SGCZ: variants seen among roughly 807,000 people sequenced by gnomAD.
The protein encoded by SGCZ is zeta-sarcoglycan.
SGCZ carries 40 observed loss-of-function variants against 41.3 expected under a neutral mutation model. The ratio of observed to expected loss-of-function variants is 0.97; its 90% confidence interval spans 0.75 to 1.26. The LOEUF is 1.26. Among genes scored for constraint, SGCZ ranks in the 50% most tolerant of loss-of-function variants. SGCZ has a pLI of 0.00. For missense variants in SGCZ, 552 were observed against 369.8 expected (o/e 1.49, Z -4.04); for synonymous variants, 206 against 137.5 (o/e 1.50, Z -3.49).
chr8:14,730,081 G>C (rs73529270), intron 1 of SGCZ, among the ~76,000 whole-genome samples: 3 of 152,018 alleles, frequency 2.0e-5, no homozygotes, highest in Non-Finnish European at 4.4e-5. Context: ...CTGAGACAGC[G>C]TCTCAAAAAA....
At chr8:14,189,721 C>G (rs1181665545) in intron 4 of SGCZ, among the ~76,000 whole-genome samples, 1 of 152,152 alleles carries the variant, frequency 6.6e-6, no homozygotes, top group African/African-American at 2.4e-5. Flanking sequence ...GAAACAATCC[C>G]ATTCCTCCCA....
At chr8:14,903,178 C>T (rs1563351342) in intron 1 of SGCZ, among the ~76,000 whole-genome samples, 3 of 152,024 alleles carry the variant, frequency 2.0e-5, no homozygotes, top group Non-Finnish European at 4.4e-5. Context: ...AATGAGTGGT[C>T]AGAATACACA....
At chr8:15,117,428 T>C (rs147832181) in intron 1 of SGCZ, among the ~76,000 whole-genome samples, 269 of 152,198 alleles carry the variant, frequency 1.8e-3, no homozygotes, top group Non-Finnish European at 2.8e-3. Context: ...TTAAAGCAAA[T>C]ATTATCTCCA....
chr8:14,393,130 A>G (rs1316966993), intron 2 of SGCZ, among the ~76,000 whole-genome samples: 2 of 152,170 alleles, frequency 1.3e-5, no homozygotes, highest in African/African-American at 4.8e-5. Flanking sequence ...CTGAAGTCCA[A>G]TATGCTTGTC....
chr8:14,109,631 C>T (rs1009490689), intron 5 of SGCZ, among the ~76,000 whole-genome samples: 1 of 152,030 alleles, frequency 6.6e-6, no homozygotes, highest in African/African-American at 2.4e-5. Context: ...TATATTAATT[C>T]AAGAGGCAAT....
intron 1 of SGCZ, among the ~76,000 whole-genome samples, chr8:15,058,592 G>T (rs550756821): frequency 6.6e-6 from 1 of 152,156 alleles, no homozygotes; most frequent in African/African-American, 2.4e-5. Context: ...GTGCTTAATA[G>T]ACAAATTTAT....
chr8:14,193,104 T>C (rs117766309), intron 4 of SGCZ, among the ~76,000 whole-genome samples: 7,952 of 151,974 alleles, frequency 0.052, 288 homozygotes, highest in East Asian at 0.12. Flanking sequence ...TTTTTCTATA[T>C]TATTATTCTT....
At chr8:14,730,950 G>C (rs2130237423) in intron 1 of SGCZ, among the ~76,000 whole-genome samples, 1 of 151,924 alleles carries the variant, frequency 6.6e-6, no homozygotes, top group Non-Finnish European at 1.5e-5. Flanking sequence ...GTGTAAATTA[G>C]TTCAACCATT....
chr8:14,157,245 T>TTA (rs1175086837), intron 5 of SGCZ, among the ~76,000 whole-genome samples: 3 of 149,954 alleles, frequency 2.0e-5, no homozygotes, highest in African/African-American at 7.3e-5. Flanking sequence ...TGGCTGAACA[T>TTA]TATATAGCAC....
At chr8:14,403,963 A>G (rs1312144972) in intron 2 of SGCZ, among the ~76,000 whole-genome samples, 1 of 152,184 alleles carries the variant, frequency 6.6e-6, no homozygotes, top group African/African-American at 2.4e-5. Context: ...AGAAATGAGT[A>G]TTTCAGCTCC....
At chr8:14,264,669 C>T (rs1799812409) in intron 3 of SGCZ, among the ~76,000 whole-genome samples, 1 of 152,114 alleles carries the variant, frequency 6.6e-6, no homozygotes, top group Non-Finnish European at 1.5e-5. Context: ...AGCACTAAAA[C>T]CCCAGATGGT....
chr8:14,561,498 G>C (rs1234189297), intron 1 of SGCZ, among the ~76,000 whole-genome samples: 1 of 152,046 alleles, frequency 6.6e-6, no homozygotes, highest in Non-Finnish European at 1.5e-5. Context: ...CTCAAAATCT[G>C]TTTGTTACAA....
chr8:14,606,475 A>C (rs767651249), intron 1 of SGCZ, among the ~76,000 whole-genome samples: 2 of 152,164 alleles, frequency 1.3e-5, no homozygotes, highest in Admixed American at 6.5e-5. Flanking sequence ...AGAACTTCTC[A>C]GCATTCTGGC....
intron 1 of SGCZ, among the ~76,000 whole-genome samples, chr8:15,038,087 A>G (rs557124115): frequency 1.5e-5 from 1 of 67,176 alleles, no homozygotes; most frequent in Admixed American, 2.3e-4. Flanking sequence ...ACGTTTTTAA[A>G]CAGAAATATA....
intron 1 of SGCZ, among the ~76,000 whole-genome samples, chr8:15,088,939 A>G (rs1428330589): frequency 2.6e-5 from 4 of 152,200 alleles, no homozygotes; most frequent in Non-Finnish European, 5.9e-5. Flanking sequence ...TTTCCTTAGA[A>G]TTTAATGACG....
intron 2 of SGCZ, among the ~76,000 whole-genome samples, chr8:14,480,422 T>G (rs1356538792): frequency 2.0e-5 from 3 of 152,084 alleles, no homozygotes; most frequent in Non-Finnish European, 2.9e-5. Flanking sequence ...CCACCTTATC[T>G]CCCCACAAAA....
intron 1 of SGCZ, among the ~76,000 whole-genome samples, chr8:14,745,862 A>T (rs538102395): frequency 3.4e-4 from 52 of 151,918 alleles, no homozygotes; most frequent in Non-Finnish European, 6.8e-4. Flanking sequence ...AGTCTTTCAC[A>T]CTCTTGGAAG....
chr8:14,245,058 C>T (rs1194981290), intron 3 of SGCZ, among the ~76,000 whole-genome samples: 1 of 152,190 alleles, frequency 6.6e-6, no homozygotes, highest in African/African-American at 2.4e-5. Flanking sequence ...ATTTGACTTC[C>T]TCTTTTCCTA....
chr8:14,472,319 G>C (rs757255649), intron 2 of SGCZ, among the ~76,000 whole-genome samples: 2 of 152,012 alleles, frequency 1.3e-5, no homozygotes, highest in African/African-American at 4.8e-5. Flanking sequence ...AAAGCTGTTT[G>C]TTCATGGTTT....
Sources: gnomAD v4.1 joint callset for allele counts (sites outside exome capture counted in the v4.1 genomes callset) on GRCh38, gnomAD v4.1.1 for gene constraint, MANE v1.5 for transcripts, NCBI Gene and HGNC (gene_info 2026-07-23, HGNC 2026-07-21) for gene names.